Variants in ZNF713 observed in about 807,000 individuals in gnomAD.
ZNF713 encodes zinc finger protein 713.
Under a neutral mutation model 28.7 loss-of-function variants are expected in ZNF713, and 21 were observed. The observed-to-expected ratio is 0.73, with a 90% CI of 0.52 to 1.05. ZNF713 has a LOEUF of 1.05. ZNF713 is among the 50% of genes least tolerant of loss of function. The pLI, the probability that ZNF713 is intolerant of heterozygous loss-of-function variation, is 0.00. For missense variants in ZNF713, 458 were observed against 532.4 expected (o/e 0.86, Z 1.37); for synonymous variants, 167 against 178.0 (o/e 0.94, Z 0.49).
chr7:55,933,930 T>A (rs1238651939), intron 6 of ZNF713, among the ~76,000 whole-genome samples: 1 of 151,876 alleles, frequency 6.6e-6, no homozygotes, highest in African/African-American at 2.4e-5. Context: ...GGTCTTGAGC[T>A]CCTGGGCTCA....
intron 6 of ZNF713, among the ~76,000 whole-genome samples, chr7:55,929,085 C>G (rs1217268906): frequency 6.6e-6 from 1 of 152,048 alleles, no homozygotes; most frequent in Non-Finnish European, 1.5e-5. Flanking sequence ...CTGCAGTGAG[C>G]TATGATTGCA....
chr7:55,926,333 C>A (rs1786094340), intron 6 of ZNF713, among the ~76,000 whole-genome samples: 1 of 152,096 alleles, frequency 6.6e-6, no homozygotes, highest in African/African-American at 2.4e-5. Context: ...AGAAAACTTC[C>A]AAATTTCATT....
intron 4 of ZNF713, among the ~76,000 whole-genome samples, chr7:55,914,121 A>G (rs1785837165): frequency 1.3e-5 from 2 of 152,108 alleles, no homozygotes; most frequent in South Asian, 2.1e-4. Flanking sequence ...AAAAAAAAAA[A>G]AAAAAAGAGG....
At chr7:55,923,109 G>C (rs1786024063) in intron 4 of ZNF713, 53 bp from the exon 5 acceptor site, 4 of 1,552,630 alleles carry the variant, frequency 2.6e-6, no homozygotes, top group Non-Finnish European at 1.7e-6. Context: ...CCTCCCTTGA[G>C]GGTCCCTGTA....
chr7:55,923,908 T>A (rs1786045969), intron 6 of ZNF713: 2 of 378,594 alleles, frequency 5.3e-6, no homozygotes, highest in Non-Finnish European at 9.8e-6. Flanking sequence ...TATATTGTTT[T>A]AAAAATGCAC....
Position 55,940,381 on chromosome 7 carries a change from C to T in ZNF713, c.*375C>T. The T allele has an allele frequency of 1.1e-6, 1 of 948,302 alleles. No individual in the cohort carries two copies. Among genetic ancestry groups the T allele is most frequent in the Non-Finnish European group, 1.3e-6 (1 of 793,062 alleles). The allele number at this position is 948,302 out of a possible 1,614,324, so 58.7% of individuals were successfully genotyped here. On this transcript the variant is annotated 3_prime_UTR_variant, in exon 7 of 7. Coordinates refer to ENST00000429591, the MANE Select transcript of ZNF713 (RefSeq NM_182633.3). ...TCAGGTGATCCGCCCACCTCGGCCT[C>T]CCAAAGTGCTGGGATTACAGGCGTG...
At chr7:55,890,860 A>T (rs1785368464) in intron 1 of ZNF713, among the ~76,000 whole-genome samples, 1 of 151,944 alleles carries the variant, frequency 6.6e-6, no homozygotes, top group African/African-American at 2.4e-5. Context: ...TCTCCTAAAA[A>T]TACAAATATT....
At chr7:55,922,134 C>T (rs1343707989) in intron 4 of ZNF713, among the ~76,000 whole-genome samples, 2 of 146,174 alleles carry the variant, frequency 1.4e-5, no homozygotes, top group African/African-American at 5.0e-5. Context: ...ACCATGTTGG[C>T]CAGGCTGGTC....
chr7:55,927,663 G>A (rs893534457), intron 6 of ZNF713, among the ~76,000 whole-genome samples: 4 of 151,756 alleles, frequency 2.6e-5, no homozygotes, highest in Admixed American at 6.6e-5. Flanking sequence ...TTGGGAGGCC[G>A]AGATGGACGG....
chr7:55,890,306 C>T (rs756904597), intron 1 of ZNF713, among the ~76,000 whole-genome samples: 16 of 151,790 alleles, frequency 1.1e-4, no homozygotes, highest in Middle Eastern at 3.4e-3. Flanking sequence ...AAAAATTAGC[C>T]GGGTGTGGTG....
intron 1 of ZNF713, among the ~76,000 whole-genome samples, chr7:55,892,621 C>A (rs1421276463): frequency 1.4e-5 from 2 of 147,034 alleles, no homozygotes; most frequent in African/African-American, 5.0e-5. Flanking sequence ...GCCTGTAATC[C>A]CAGCACTTTA....
chr7:55,895,871 A>C (rs1185904769), intron 1 of ZNF713, among the ~76,000 whole-genome samples: 1 of 152,182 alleles, frequency 6.6e-6, no homozygotes, highest in Non-Finnish European at 1.5e-5. Context: ...ATAGATGAGG[A>C]AGTGGAAGCC....
chr7:55,922,129 G>A (rs1286127897), intron 4 of ZNF713, among the ~76,000 whole-genome samples: 1 of 148,490 alleles, frequency 6.7e-6, no homozygotes, highest in Non-Finnish European at 1.5e-5. Context: ...GTTTCACCAT[G>A]TTGGCCAGGC....
intron 1 of ZNF713, among the ~76,000 whole-genome samples, chr7:55,892,888 AGGC>A (rs1309807936): frequency 6.7e-6 from 1 of 149,646 alleles, no homozygotes; most frequent in Non-Finnish European, 1.5e-5. Flanking sequence ...AAAAAAAAAA[AGGC>A]GGAGTAATAG....
chr7:55,939,443 G>C lies in ZNF713; in HGVS notation c.769G>C (p.Ala257Pro), dbSNP rs376165329. 14 of 1,613,872 alleles carry C rather than the reference G, an allele frequency of 8.7e-6. No individual in the cohort carries two copies. Among genetic ancestry groups the C allele is most frequent in the African/African-American group, 1.3e-5 (1 of 74,906 alleles). Residue 257 changes from alanine (A) to proline (P), a missense_variant, in exon 7 of 7, where the codon GCA becomes CCA. Transcript: ENST00000429591. The part of the protein sequence containing the change: ...HILLTDHIHT[A>P]EKPSECGKAF... ...TCTTCTTACTGATCATATTCATACT[G>C]CAGAGAAACCCAGTGAGTGTGGGAA...
chr7:55,913,589 C>T (rs1006768956), intron 4 of ZNF713, among the ~76,000 whole-genome samples: 1 of 152,048 alleles, frequency 6.6e-6, no homozygotes, highest in Admixed American at 6.6e-5. Context: ...GAAAACTAGT[C>T]GAATGCTTTG....
At position 55,887,866 on chromosome 7, in the gene ZNF713, GGCGGCGGCGGC is replaced by G. The variant is rs1785300252; in HGVS notation, c.-583+188_-583+198del. Among the ~76,000 whole-genome samples the G allele has an allele frequency of 5.0e-4, 9 of 18,036 alleles. 3 individuals carry two copies. The highest frequency in any genetic ancestry group is 2.4e-3 in the African/African-American group (5 of 2,076). The allele number at this position is 18,036 out of a possible 152,430, so 11.8% of individuals were successfully genotyped here. ...GCGGCGGCGGCGGCGGGCGGCGGGC[GGCGGCGGCGGC>G]GGCGGCGGCGGGCGGCGGCGGCGGC... is the stretch of plus-strand genomic sequence containing the variant. On this transcript the variant is annotated intron_variant, in intron 1 of 6. Transcript: ENST00000429591.
intron 4 of ZNF713, among the ~76,000 whole-genome samples, chr7:55,916,829 G>C (rs149701109): frequency 6.6e-6 from 1 of 152,156 alleles, no homozygotes; most frequent in East Asian, 1.9e-4. Flanking sequence ...ACCACAAAAA[G>C]TTATGCAAGA....
In ZNF713 at chr7:55,939,637, A is replaced by C. The variant is rs775988925; in HGVS notation, c.963A>C (p.Lys321Asn). The change falls in exon 7 of 7, where the codon AAA becomes AAC. Residue 321 changes from lysine (K) to asparagine (N), a missense_variant. By Grantham distance (94) the Lys-to-Asn change is moderately conservative. Coordinates refer to ENST00000429591, the MANE Select transcript of ZNF713 (RefSeq NM_182633.3). ...EKPFICNGCGKAFRQHSSFTQ... is the reference protein window; with the variant it reads ...EKPFICNGCGNAFRQHSSFTQ... ...CTTTTATATGCAATGGATGTGGGAA[A>C]GCCTTCCGTCAGCATTCATCCTTTA... 6.2e-7 allele frequency: 1 copy of C among 1,614,224 alleles called. No homozygotes were observed. Among genetic ancestry groups the C allele is most frequent in the South Asian group, 1.1e-5 (1 of 91,084 alleles).
Sources: gnomAD v4.1 joint callset for allele counts (sites outside exome capture counted in the v4.1 genomes callset) on GRCh38, gnomAD v4.1.1 for gene constraint, MANE v1.5 for transcripts, NCBI Gene and HGNC (gene_info 2026-07-23, HGNC 2026-07-21) for gene names.